Variants in NDST3 observed in about 807,000 individuals in gnomAD.
NDST3 encodes the protein N-deacetylase and N-sulfotransferase 3.
In NDST3, 58 loss-of-function variants were observed where a neutral mutation model predicts 96.1. The ratio of observed to expected loss-of-function variants is 0.60; its 90% confidence interval spans 0.49 to 0.75. NDST3 has a LOEUF of 0.75. NDST3 is among the 30% of genes least tolerant of loss of function. The pLI is 0.00. For missense variants in NDST3, 788 were observed against 1,034.2 expected (o/e 0.76, Z 3.27); for synonymous variants, 333 against 359.7 (o/e 0.93, Z 0.84).
At position 118,054,297 on chromosome 4, in the gene NDST3, T is replaced by C; in HGVS notation, c.387T>C (p.Ile129=). The change falls in exon 2 of 14, where the codon ATT becomes ATC. Residue 129 remains isoleucine (I), a synonymous_variant. Transcript: ENST00000296499. ...VLIDKMKGKY[I]LIIYENILKY... ...TAGACAAAATGAAAGGCAAATACATTCTCATTATTTATGAGAATATTTTAA... is the reference window on the plus strand; with the variant it reads ...TAGACAAAATGAAAGGCAAATACATCCTCATTATTTATGAGAATATTTTAA... 2.5e-6 allele frequency: 4 copies of C among 1,611,674 alleles called. No homozygotes were observed. The highest frequency in any genetic ancestry group is 3.4e-6 in the Non-Finnish European group (4 of 1,178,848).
At chr4:118,081,673 T>C (rs913061986) in intron 2 of NDST3, among the ~76,000 whole-genome samples, 1 of 152,132 alleles carries the variant, frequency 6.6e-6, no homozygotes, top group Non-Finnish European at 1.5e-5. Context: ...ATTAAGTACA[T>C]TTAAAGGGAA....
intron 12 of NDST3, among the ~76,000 whole-genome samples, chr4:118,242,445 C>G (rs751269412): frequency 1.3e-5 from 2 of 152,122 alleles, no homozygotes; most frequent in Admixed American, 1.3e-4. Flanking sequence ...GAAATAAATT[C>G]GTAAAGCCTG....
intron 6 of NDST3, among the ~76,000 whole-genome samples, chr4:118,190,815 A>G (rs1280649829): frequency 6.6e-6 from 1 of 152,224 alleles, no homozygotes; most frequent in Non-Finnish European, 1.5e-5. Context: ...GAACCAAAAC[A>G]TAAGCTCCAC....
At chr4:118,221,646 T>C (rs1000876873) in intron 6 of NDST3, among the ~76,000 whole-genome samples, 1 of 152,048 alleles carries the variant, frequency 6.6e-6, no homozygotes, top group Non-Finnish European at 1.5e-5. Flanking sequence ...ACAAACAGTA[T>C]CTGTTTCCTC....
intron 2 of NDST3, among the ~76,000 whole-genome samples, chr4:118,101,232 C>A (rs1049607799): frequency 1.3e-5 from 2 of 151,670 alleles, no homozygotes; most frequent in Non-Finnish European, 2.9e-5. Context: ...ATTCTGCTAA[C>A]AAAAGTTAGA....
intron 6 of NDST3, among the ~76,000 whole-genome samples, chr4:118,152,117 T>C (rs1197362832): frequency 6.6e-6 from 1 of 152,202 alleles, no homozygotes; most frequent in African/African-American, 2.4e-5. Context: ...GAAAAATGAA[T>C]CTATTCATAA....
chr4:118,072,856 C>A (rs1330256959), intron 2 of NDST3, among the ~76,000 whole-genome samples: 1 of 152,070 alleles, frequency 6.6e-6, no homozygotes, highest in Non-Finnish European at 1.5e-5. Flanking sequence ...ATGATATTGG[C>A]TGTGGGTTTG....
intron 12 of NDST3, among the ~76,000 whole-genome samples, chr4:118,246,989 T>C (rs1318214249): frequency 1.3e-5 from 2 of 152,162 alleles, no homozygotes; most frequent in Non-Finnish European, 2.9e-5. Context: ...TATGGCCACT[T>C]TGGAAAGCAG....
chr4:118,241,449 C>T (rs1741001092), intron 11 of NDST3, among the ~76,000 whole-genome samples: 1 of 152,054 alleles, frequency 6.6e-6, no homozygotes, highest in African/African-American at 2.4e-5. Flanking sequence ...GCTTTGTGGC[C>T]TTTAATCCTG....
intron 2 of NDST3, among the ~76,000 whole-genome samples, chr4:118,058,728 A>G (rs1308285189): frequency 2.0e-5 from 3 of 151,826 alleles, no homozygotes; most frequent in Non-Finnish European, 4.4e-5. Flanking sequence ...TGTGATCTAC[A>G]ACCTACCCTC....
intron 6 of NDST3, among the ~76,000 whole-genome samples, chr4:118,218,004 G>A (rs943111609): frequency 2.4e-4 from 36 of 151,938 alleles, no homozygotes; most frequent in African/African-American, 8.5e-4. Flanking sequence ...GGAAGAAGAC[G>A]AATCCCTGAA....
At chr4:118,112,000 C>T (rs895933129) in intron 3 of NDST3, among the ~76,000 whole-genome samples, 2 of 152,200 alleles carry the variant, frequency 1.3e-5, no homozygotes, top group African/African-American at 4.8e-5. Context: ...TAATAAGCAA[C>T]AGACATTTGT....
chr4:118,169,107 ATTG>A (rs1220472027), intron 6 of NDST3, among the ~76,000 whole-genome samples: 2 of 150,714 alleles, frequency 1.3e-5, no homozygotes, highest in Non-Finnish European at 2.9e-5. Flanking sequence ...TTCATGTTAT[ATTG>A]TTGTATTTTT....
chr4:118,135,094 C>T (rs1198914354), intron 4 of NDST3, among the ~76,000 whole-genome samples: 3 of 152,184 alleles, frequency 2.0e-5, no homozygotes, highest in Admixed American at 1.3e-4. Flanking sequence ...TATACAATAA[C>T]GTTTCAGGTG....
At chr4:118,225,518 A>C (rs994746190) in intron 7 of NDST3, among the ~76,000 whole-genome samples, 3 of 152,200 alleles carry the variant, frequency 2.0e-5, no homozygotes, top group Admixed American at 1.3e-4. Flanking sequence ...CAATTAAGCA[A>C]GGTCACACAG....
At chr4:118,099,398 CATAG>C (rs1310893237) in intron 2 of NDST3, among the ~76,000 whole-genome samples, 3 of 152,230 alleles carry the variant, frequency 2.0e-5, no homozygotes, top group African/African-American at 7.2e-5. Context: ...GGTGAAAGCT[CATAG>C]AAAACACAGT....
At chr4:118,097,812 T>C (rs938579049) in intron 2 of NDST3, among the ~76,000 whole-genome samples, 9 of 151,894 alleles carry the variant, frequency 5.9e-5, no homozygotes, top group African/African-American at 1.9e-4. Context: ...TTTTCAAATC[T>C]TTATGAGTTT....
chr4:118,227,233 T>TG, intron 8 of NDST3, among the ~76,000 whole-genome samples: 1 of 88,970 alleles, frequency 1.1e-5, no homozygotes, highest in East Asian at 4.4e-4. Context: ...ACATGTTTTT[T>TG]TTTTTCCCCC....
intron 4 of NDST3, among the ~76,000 whole-genome samples, chr4:118,129,216 T>C (rs1162228750): frequency 1.3e-5 from 2 of 151,966 alleles, no homozygotes; most frequent in African/African-American, 2.4e-5. Context: ...TTATTTCTTT[T>C]CTCCTATTAT....
Sources: gnomAD v4.1 joint callset for allele counts (sites outside exome capture counted in the v4.1 genomes callset) on GRCh38, gnomAD v4.1.1 for gene constraint, MANE v1.5 for transcripts, NCBI Gene and HGNC (gene_info 2026-07-23, HGNC 2026-07-21) for gene names.